COL12A1: variants seen among roughly 807,000 people sequenced by gnomAD.
COL12A1 encodes the protein collagen type XII alpha 1 chain, also known as collagen alpha-1(XII) chain.
A neutral mutation model predicts 349.7 loss-of-function variants in COL12A1; 114 were observed. The ratio of observed to expected loss-of-function variants is 0.33; its 90% CI spans 0.28 to 0.38. The LOEUF (loss-of-function observed/expected upper bound fraction) is 0.38. Ranked by LOEUF, COL12A1 falls within the 10% of genes least tolerant of loss-of-function variation. The pLI is 1.00. For missense variants in COL12A1, 3,284 were observed against 3,756.9 expected (o/e 0.87, Z 3.29); for synonymous variants, 1,369 against 1,329.0 (o/e 1.03, Z -0.66).
In COL12A1 at chr6:75,148,409, C is replaced by G. The variant is rs749259796; in HGVS notation, c.4236G>C (p.Val1412=). The G allele has an allele frequency of 6.2e-7, 1 of 1,612,724 alleles. No individual in the cohort carries two copies. The highest frequency in any genetic ancestry group is 8.5e-7 in the Non-Finnish European group (1 of 1,179,268). The change falls in exon 22 of 66, where the codon GTG becomes GTC. Residue 1412 remains valine, a synonymous_variant. Coordinates refer to ENST00000322507, the MANE Select transcript of COL12A1 (RefSeq NM_004370.6). ...GATAGTATTCCACCTTATATCGATC[C>G]ACACTGTCAGAAGGTGGTGTCCAGC... ...RVSWTPPSDS[V]DRYKVEYYPV...
intron 14 of COL12A1, among the ~76,000 whole-genome samples, chr6:75,162,760 C>T (rs1768090128): frequency 6.6e-6 from 1 of 152,168 alleles, no homozygotes; most frequent in Non-Finnish European, 1.5e-5. Context: ...GCAATCTATA[C>T]ATCTGACAAA....
chr6:75,124,187 T>C (rs1765901383), intron 41 of COL12A1, 68 bp downstream of exon 41: 1 of 1,594,964 alleles, frequency 6.3e-7, no homozygotes. Context: ...AATGGCATCT[T>C]CTTTACTGAA....
chr6:75,203,279 A>G (rs1203384575), intron 1 of COL12A1, among the ~76,000 whole-genome samples: 1 of 152,176 alleles, frequency 6.6e-6, no homozygotes, highest in African/African-American at 2.4e-5. Flanking sequence ...AAAGTATAAT[A>G]AACCTTTTTA....
chr6:75,130,728 T>A (rs553047587), intron 36 of COL12A1, 124 bp downstream of exon 36: 1 of 1,241,988 alleles, frequency 8.1e-7, no homozygotes, highest in Admixed American at 2.4e-5. Flanking sequence ...GGAATGTAAA[T>A]GTAGGGGATC....
intron 14 of COL12A1, among the ~76,000 whole-genome samples, chr6:75,163,896 G>C (rs1187391960): frequency 6.6e-6 from 1 of 152,100 alleles, no homozygotes; most frequent in Non-Finnish European, 1.5e-5. Context: ...CAAAACGGAG[G>C]ATAATTTCTG....
rs767343975 is a variant in COL12A1 at position 75,138,562 on chromosome 6, C to T, written c.5116G>A (p.Glu1706Lys). 2.5e-6 allele frequency: 4 copies of T among 1,613,786 alleles called. No individual in the cohort carries two copies. In the Admixed American group the frequency reaches 6.7e-5, roughly 27 times the overall value. Residue 1706 changes from glutamate to lysine, a missense_variant, in exon 29 of 66, where the codon GAA (glutamate) becomes AAA (lysine). Coordinates refer to ENST00000322507, the MANE Select transcript of COL12A1 (RefSeq NM_004370.6). ...AGGTTTTCGAACACCAAAGTGTTTT[C>T]ATCTCCATTTAAGATGGTCTTGGAG... ...DKMETILNGD[E>K]NTLVFENLNP...
intron 17 of COL12A1, among the ~76,000 whole-genome samples, chr6:75,154,126 CTAA>C (rs1426082082): frequency 1.3e-5 from 2 of 151,328 alleles, no homozygotes; most frequent in Admixed American, 6.6e-5. Context: ...AATTACATCA[CTAA>C]TAATTATTAA....
chr6:75,103,870 C>A, intron 54 of COL12A1, 60 bp from the exon 55 acceptor site: 1 of 1,374,072 alleles, frequency 7.3e-7, no homozygotes, highest in Non-Finnish European at 1.0e-6. Context: ...AGTTGATATA[C>A]AAAAAGTCCT....
intron 2 of COL12A1, among the ~76,000 whole-genome samples, chr6:75,195,450 T>C (rs1194205481): frequency 6.6e-6 from 1 of 152,204 alleles, no homozygotes; most frequent in Admixed American, 6.6e-5. Flanking sequence ...TGGTTCATTC[T>C]CTGCATTATT....
chr6:75,155,511 C>T, intron 16 of COL12A1, 151 bp downstream of exon 16: 1 of 775,036 alleles, frequency 1.3e-6, no homozygotes, highest in Non-Finnish European at 1.9e-6. Flanking sequence ...CAGCACCAAG[C>T]ATAAGAAAAC....
In COL12A1 at chr6:75,151,231, T is replaced by C; in HGVS notation, c.4057A>G (p.Thr1353Ala). ...AAATCTGCCACATTGTATGCATGGG[T>C]ATCATCAGGATCAGTTGCAATCATC... The part of the protein sequence containing the change: ...LKMIATDPDD[T>A]HAYNVADFES... Residue 1353 changes from threonine to alanine, a missense_variant, in exon 21 of 66, where the codon ACC becomes GCC. Thr to Ala is a moderately conservative substitution (Grantham distance 58). Around this residue, in one of 2 missense-constraint regions of COL12A1, gnomAD observed 2,601 missense variants for 2,824.8 expected, o/e 0.92. Transcript: ENST00000322507. 6.2e-6 allele frequency: 10 copies of C among 1,613,366 alleles called. No individual in the cohort carries two copies. The highest frequency in any genetic ancestry group is 8.5e-6 in the Non-Finnish European group (10 of 1,179,446).
In COL12A1 at chr6:75,137,566, G is replaced by T; in HGVS notation, c.5265C>A (p.Gly1755=). ...PILTTQAPKS[G]PRNLQVYNAT... ...CATTGTACACTTGAAGGTTTCGTGG[G>T]CCACTTTTGGGAGCTGAAAGAAGAT... The change falls in exon 31 of 66, where the codon GGC becomes GGA. Residue 1755 remains glycine (G), a synonymous_variant. Transcript: ENST00000322507. The T allele has an allele frequency of 6.2e-7, 1 of 1,613,538 alleles. No individual in the cohort carries two copies. Among genetic ancestry groups the T allele is most frequent in the Non-Finnish European group, 8.5e-7 (1 of 1,179,778 alleles).
intron 45 of COL12A1, 63 bp from the exon 46 acceptor site, chr6:75,119,249 G>C: frequency 1.9e-6 from 3 of 1,611,936 alleles, no homozygotes; most frequent in Non-Finnish European, 1.7e-6. Flanking sequence ...AATGCCATTA[G>C]TCACACCCAA....
chr6:75,112,746 C>T (rs1451655763), intron 51 of COL12A1, among the ~76,000 whole-genome samples: 1 of 151,564 alleles, frequency 6.6e-6, no homozygotes, highest in African/African-American at 2.4e-5. Flanking sequence ...TTCTGCATTT[C>T]ACTGGCATGT....
intron 13 of COL12A1, among the ~76,000 whole-genome samples, chr6:75,174,287 G>A (rs1292152248): frequency 6.6e-6 from 1 of 152,202 alleles, no homozygotes. Flanking sequence ...GCCAGGCGCG[G>A]TGGCTCAGGC....
At chr6:75,111,942 G>C (rs1378817951) in intron 51 of COL12A1, among the ~76,000 whole-genome samples, 2 of 151,730 alleles carry the variant, frequency 1.3e-5, no homozygotes, top group African/African-American at 2.4e-5. Flanking sequence ...AAGAAAGCAA[G>C]ATTCCTCAGG....
At chr6:75,144,675 A>G (rs1767088289) in intron 25 of COL12A1, among the ~76,000 whole-genome samples, 2 of 152,224 alleles carry the variant, frequency 1.3e-5, no homozygotes, top group Admixed American at 1.3e-4. Flanking sequence ...GAAGTACACA[A>G]AAGGCTGACC....
chr6:75,161,528 A>G (rs888970666), intron 14 of COL12A1, among the ~76,000 whole-genome samples: 26 of 152,070 alleles, frequency 1.7e-4, no homozygotes, highest in Middle Eastern at 3.4e-3. Flanking sequence ...TGTTCAAAAG[A>G]GGCCTCCCAC....
At chr6:75,194,175 C>A (rs1416801741) in intron 3 of COL12A1, among the ~76,000 whole-genome samples, 1 of 152,158 alleles carries the variant, frequency 6.6e-6, no homozygotes, top group Non-Finnish European at 1.5e-5. Flanking sequence ...AATGGTTGAA[C>A]TAGTTTACAG....
Sources: gnomAD v4.1 joint callset for allele counts (sites outside exome capture counted in the v4.1 genomes callset) on GRCh38, gnomAD v4.1.1 for gene constraint, gnomAD v4.1.1 regional missense constraint, MANE v1.5 for transcripts, NCBI Gene and HGNC (gene_info 2026-07-23, HGNC 2026-07-21) for gene names.